Variants in MDM4 observed in about 807,000 individuals in gnomAD.
The protein encoded by MDM4 is protein Mdm4.
MDM4 carries 2 observed loss-of-function variants against 60.2 expected under a neutral mutation model. The ratio of observed to expected loss-of-function variants is 0.03; its 90% CI spans 0.01 to 0.10. The LOEUF (loss-of-function observed/expected upper bound fraction) is 0.10. Among genes scored for constraint, MDM4 ranks in the 10% least tolerant of loss-of-function variants. The pLI is 1.00. For missense variants in MDM4, 447 were observed against 577.5 expected (o/e 0.77, Z 2.32); for synonymous variants, 202 against 198.1 (o/e 1.02, Z -0.17).
At chr1:204,528,668 C>G (rs1185621250) in intron 3 of MDM4, among the ~76,000 whole-genome samples, 2 of 152,168 alleles carry the variant, frequency 1.3e-5, no homozygotes, top group Non-Finnish European at 2.9e-5. Flanking sequence ...CTGGTCCTCA[C>G]TATTTGGTGG....
Position 204,551,885 on chromosome 1 carries a change from G to T in MDM4, c.*2203G>T, listed in dbSNP as rs1663236623. On this transcript the variant is annotated 3_prime_UTR_variant, in exon 11 of 11. Transcript: ENST00000367182. ...TTTGGAATCCTTGCCCTAGACAGGG[G>T]TGTCCAATCTTTTGGCTTCCCTGGT... is the stretch of plus-strand genomic sequence containing the variant. The T allele has an allele frequency of 5.0e-6, 1 of 199,554 alleles. No individual in the cohort carries two copies. The highest frequency in any genetic ancestry group is 1.0e-5 in the Non-Finnish European group (1 of 96,826). The allele number at this position is 199,554 out of a possible 1,614,324, so 12.4% of individuals were successfully genotyped here. A position where few individuals can be genotyped will look rare whatever the true frequency, so the allele number is the denominator to read the frequency against.
chr1:204,553,029 C>G lies in MDM4; in HGVS notation c.*3347C>G. The G allele has an allele frequency of 6.0e-6, 1 of 166,260 alleles. No individual in the cohort carries two copies. The highest frequency in any genetic ancestry group is 1.3e-5 in the Non-Finnish European group (1 of 76,226). The allele number at this position is 166,260 out of a possible 1,614,324, so 10.3% of individuals were successfully genotyped here. On this transcript the variant is annotated 3_prime_UTR_variant, in exon 11 of 11. Coordinates refer to ENST00000367182, the MANE Select transcript of MDM4 (RefSeq NM_002393.5). ...TAGCTGGGATTACAGGTGTGCACCA[C>G]CATGTCTGGCTAATTTTGTATTTTT...
rs1308482700 is a variant in MDM4, at chr1:204,551,353, C to T, written c.*1671C>T. On this transcript the variant is annotated 3_prime_UTR_variant, in exon 11 of 11. Transcript: ENST00000367182. ...GAGCTACTGCCCCCTACCCTCTTTG[C>T]GTCTTAGGAGTCATTTAGATTTTTT... 14 of 229,340 alleles carry T rather than the reference C, an allele frequency of 6.1e-5. No individual in the cohort carries two copies. The highest frequency in any genetic ancestry group is 3.1e-4 in the African/African-American group (14 of 44,850). 14.2% of individuals were successfully genotyped at this position (229,340 alleles called of 1,614,324 possible).
intron 7 of MDM4, among the ~76,000 whole-genome samples, chr1:204,541,792 A>G (rs1467608855): frequency 6.6e-6 from 1 of 152,238 alleles, no homozygotes; most frequent in Non-Finnish European, 1.5e-5. Context: ...TTAGTCAGCA[A>G]TATTGACATA....
At chr1:204,547,130 C>G (rs974998658) in intron 10 of MDM4, among the ~76,000 whole-genome samples, 4 of 152,158 alleles carry the variant, frequency 2.6e-5, no homozygotes, top group Non-Finnish European at 5.9e-5. Flanking sequence ...GTGCCTTTCT[C>G]CCTGCCATCA....
chr1:204,553,575 A>G lies in MDM4; in HGVS notation c.*3893A>G, dbSNP rs1663368320. On this transcript the variant is annotated 3_prime_UTR_variant, in exon 11 of 11. Transcript: ENST00000367182. The stretch of plus-strand genomic sequence containing the variant: ...TTTCTGCTGCAACGTGCTGTAGACT[A>G]TGAATAATGAAATCACACCACATTA... 3.5e-5 allele frequency: 8 copies of G among 228,270 alleles called. No individual in the cohort carries two copies. The South Asian group carries it at 1.5e-3, about 42-fold the overall frequency. 14.1% of individuals were successfully genotyped at this position (228,270 alleles called of 1,614,324 possible).
rs912727628 is a variant in MDM4 at position 204,556,542 on chromosome 1, CA to C, written c.*6869del. 3.2e-4 allele frequency: 65 copies of C among 203,918 alleles called. No homozygotes were observed. The highest frequency in any genetic ancestry group is 6.0e-4 in the East Asian group (8 of 13,400). 12.6% of individuals were successfully genotyped at this position (203,918 alleles called of 1,614,324 possible). On this transcript the variant is annotated 3_prime_UTR_variant, in exon 11 of 11. Coordinates refer to ENST00000367182, the MANE Select transcript of MDM4 (RefSeq NM_002393.5). ...TGAAACCCTGTCTCTACCAAAAATA[CA>C]AAAAAAAAGCTGGGCATGGTGGGTG...
At chr1:204,530,908 A>G (rs1447011254) in intron 4 of MDM4, 91 bp downstream of exon 4, 1 of 1,529,532 alleles carries the variant, frequency 6.5e-7, no homozygotes, top group Non-Finnish European at 9.0e-7. Context: ...ACTTCACTCA[A>G]CAAATATGTA....
At position 204,520,454 on chromosome 1, in the gene MDM4, A is replaced by G. The variant is rs527706745; in HGVS notation, c.-36+3945A>G. On this transcript the variant is annotated intron_variant, in intron 1 of 10. Transcript: ENST00000367182. ...CATTTTGATGCAGTAAAATGTATAA[A>G]AAGGAAAGCAAGGGAAATGAAAACA... 2.0e-5 allele frequency among the ~76,000 whole-genome samples: 3 copies of G among 152,248 alleles called. No individual in the cohort carries two copies. In the East Asian group the frequency reaches 5.8e-4, roughly 29 times the overall value.
intron 5 of MDM4, among the ~76,000 whole-genome samples, chr1:204,534,248 C>T (rs1661162479): frequency 6.6e-6 from 1 of 152,214 alleles, no homozygotes; most frequent in African/African-American, 2.4e-5. Context: ...GAAGATCCTG[C>T]AAATGATACG....
At position 204,551,767 on chromosome 1, in the gene MDM4, C is replaced by T. The variant is rs77712688; in HGVS notation, c.*2085C>T. The T allele has an allele frequency of 4.4e-6, 1 of 226,610 alleles. No homozygotes were observed. The highest frequency in any genetic ancestry group is 1.8e-4 in the South Asian group (1 of 5,466). 14.0% of individuals were successfully genotyped at this position (226,610 alleles called of 1,614,324 possible). A position where few individuals can be genotyped will look rare whatever the true frequency, so the allele number is the denominator to read the frequency against. On this transcript the variant is annotated 3_prime_UTR_variant, in exon 11 of 11. Coordinates refer to ENST00000367182, the MANE Select transcript of MDM4 (RefSeq NM_002393.5). ...GGGTTGCTTGTTAAAAATGTCCAAA[C>T]GTGCAGAGACTGATCTTTGAGATCT...
At chr1:204,529,610 G>C (rs1660643868) in intron 3 of MDM4, 4 of 1,222,378 alleles carry the variant, frequency 3.3e-6, no homozygotes, top group Admixed American at 2.7e-5. Flanking sequence ...TACTGGGGGG[G>C]GTCCAAGGTA....
rs1660772811 is a variant in MDM4, at chr1:204,530,677, C to G, written c.154-7C>G. On this transcript the variant is annotated splice_region_variant and splice_polypyrimidine_tract_variant and intron_variant, in intron 3 of 10. Coordinates refer to ENST00000367182, the MANE Select transcript of MDM4 (RefSeq NM_002393.5). Reference sequence around the variant, plus strand: ...CAGATCACAACATGGTATTTTATTCCATGCAGGTCATGCACTATTTAGGTC... The same window carrying G: ...CAGATCACAACATGGTATTTTATTCGATGCAGGTCATGCACTATTTAGGTC... The G allele has an allele frequency of 6.8e-6, 11 of 1,613,988 alleles. No individual in the cohort carries two copies. Among genetic ancestry groups the G allele is most frequent in the Non-Finnish European group, 6.8e-6 (8 of 1,179,936 alleles).
At chr1:204,544,416 G>A (rs1158416202) in intron 8 of MDM4, 119 bp from the exon 9 acceptor site, 1 of 951,206 alleles carries the variant, frequency 1.1e-6, no homozygotes. Context: ...CTGAATAAAG[G>A]CAAGATGTTC....
At chr1:204,535,820 C>T (rs1415443160) in intron 5 of MDM4, among the ~76,000 whole-genome samples, 1 of 152,028 alleles carries the variant, frequency 6.6e-6, no homozygotes, top group Non-Finnish European at 1.5e-5. Context: ...GGATTACAGG[C>T]GTGAGCCACC....
At chr1:204,528,903 T>C (rs1660542238) in intron 3 of MDM4, 5 of 1,594,184 alleles carry the variant, frequency 3.1e-6, no homozygotes, top group Non-Finnish European at 3.4e-6. Context: ...AATGTTGCCT[T>C]GTACAGCTGT....
chr1:204,544,295 AC>A (rs1662427498), intron 8 of MDM4, among the ~76,000 whole-genome samples: 2 of 152,204 alleles, frequency 1.3e-5, no homozygotes, highest in Non-Finnish European at 2.9e-5. Flanking sequence ...TAGGTGTTAT[AC>A]CTGATTTAGT....
intron 3 of MDM4, 107 bp from the exon 4 acceptor site, chr1:204,530,575 AAT>A (rs1660761795): frequency 1.4e-6 from 2 of 1,424,332 alleles, no homozygotes; most frequent in Non-Finnish European, 9.7e-7. Context: ...CAGTCTTGTA[AAT>A]ATGTTATTTC....
In MDM4 at chr1:204,553,380, G is replaced by A; in HGVS notation, c.*3698G>A. ...CATGTGCTCTGGTTTTCTGGAGACT[G>A]CCAAATTGCTCCCATTTTTCTGCAT... On this transcript the variant is annotated 3_prime_UTR_variant, in exon 11 of 11. Coordinates refer to ENST00000367182, the MANE Select transcript of MDM4 (RefSeq NM_002393.5). The A allele has an allele frequency of 4.4e-6, 1 of 224,866 alleles. No individual in the cohort carries two copies. Among genetic ancestry groups the A allele is most frequent in the Non-Finnish European group, 8.9e-6 (1 of 112,636 alleles). 13.9% of individuals were successfully genotyped at this position (224,866 alleles called of 1,614,324 possible). A position where few individuals can be genotyped will look rare whatever the true frequency, so the allele number is the denominator to read the frequency against.
Sources: allele counts gnomAD v4.1 joint callset (sites outside exome capture counted in the v4.1 genomes callset), GRCh38; gene constraint gnomAD v4.1.1; transcripts MANE v1.5; gene names NCBI Gene and HGNC (gene_info 2026-07-23, HGNC 2026-07-21).